The following SLC25A48 variants were observed in gnomAD, a reference collection of about 807,000 sequenced individuals.
SLC25A48 encodes CTC-321K16.1.
SLC25A48 carries 29 observed loss-of-function variants against 32.2 expected under a neutral mutation model. That is an observed-to-expected ratio of 0.90 (90% CI 0.67 to 1.23). The LOEUF (loss-of-function observed/expected upper bound fraction) is 1.23, where lower values mean the gene tolerates loss of function less well. Among genes scored for constraint, SLC25A48 ranks in the 50% most tolerant of loss-of-function variants. SLC25A48 has a pLI of 0.00. For synonymous variants in SLC25A48, 164 were observed against 172.3 expected, an observed-to-expected ratio of 0.95 and a Z score of 0.38; for missense variants, 399 against 422.7, an observed-to-expected ratio of 0.94 and a Z score of 0.49.
intron 3 of SLC25A48, among the ~76,000 whole-genome samples, chr5:135,699,404 G>GA (rs11385297): frequency 0.62 from 91,585 of 148,232 alleles, 27,992 homozygotes; most frequent in South Asian, 0.63. Flanking sequence ...ATTACGCTGG[G>GA]AAAAAAAAAA....
chr5:135,886,265 CT>C (rs1400719884), intron 7 of SLC25A48, among the ~76,000 whole-genome samples: 3 of 151,988 alleles, frequency 2.0e-5, no homozygotes, highest in Admixed American at 2.0e-4. Flanking sequence ...GCTGCCCAGC[CT>C]CAGCCCAGCT....
At chr5:135,830,521 C>T (rs61004174), upstream of SLC25A48, among the ~76,000 whole-genome samples, 28,850 of 152,178 alleles carry the variant, frequency 0.19, 2,912 homozygotes, top group Middle Eastern at 0.25. Context: ...CTTACCTCTG[C>T]TTCTTGACTG....
chr5:135,821,335 G>A (rs1010744343), intron 4 of SLC25A48, among the ~76,000 whole-genome samples: 4 of 152,220 alleles, frequency 2.6e-5, no homozygotes, highest in African/African-American at 9.6e-5. Flanking sequence ...AGTGACTGGA[G>A]AGGAGCCACA....
intron 3 of SLC25A48, among the ~76,000 whole-genome samples, chr5:135,653,005 G>T (rs1352864831): frequency 6.6e-6 from 1 of 152,076 alleles, no homozygotes; most frequent in Non-Finnish European, 1.5e-5. Context: ...GGGCTTTTGT[G>T]GTGGGTTCAC....
At chr5:135,644,188 GA>G (rs148332317) in intron 3 of SLC25A48, among the ~76,000 whole-genome samples, 3,086 of 148,786 alleles carry the variant, frequency 0.021, 110 homozygotes, top group African/African-American at 0.067. Context: ...CGGATGGGGA[GA>G]AAAAAAAAAC....
chr5:135,738,330 C>G (rs1024620261), intron 3 of SLC25A48, among the ~76,000 whole-genome samples: 1 of 152,162 alleles, frequency 6.6e-6, no homozygotes, highest in African/African-American at 2.4e-5. Flanking sequence ...ATTACTACCT[C>G]AAAATCTGTC....
chr5:135,876,923 G>A (rs1230089236), intron 6 of SLC25A48, among the ~76,000 whole-genome samples: 1 of 152,160 alleles, frequency 6.6e-6, no homozygotes, highest in Non-Finnish European at 1.5e-5. Flanking sequence ...CCCTCCCCAA[G>A]CATTCTTGAC....
intron 1 of SLC25A48, among the ~76,000 whole-genome samples, chr5:135,588,026 G>A (rs367792332): frequency 2.0e-5 from 3 of 152,320 alleles, no homozygotes; most frequent in South Asian, 2.1e-4. Flanking sequence ...GTGTGTTGGC[G>A]GAGGCCCGAA....
intron 1 of SLC25A48, among the ~76,000 whole-genome samples, chr5:135,601,891 T>G (rs1751804986): frequency 6.6e-6 from 1 of 152,228 alleles, no homozygotes; most frequent in African/African-American, 2.4e-5. Context: ...TCACTTAATG[T>G]TTCTGGGCAT....
chr5:135,657,958 C>T (rs1753295560), intron 3 of SLC25A48, among the ~76,000 whole-genome samples: 1 of 152,208 alleles, frequency 6.6e-6, no homozygotes. Context: ...CCTCCCCCAA[C>T]ATTGGGAATT....
intron 3 of SLC25A48, among the ~76,000 whole-genome samples, chr5:135,700,634 C>G (rs1754373405): frequency 6.6e-6 from 1 of 152,124 alleles, no homozygotes; most frequent in South Asian, 2.1e-4. Context: ...AAGGCCCAGG[C>G]TTAGGTTTTA....
intron 3 of SLC25A48, among the ~76,000 whole-genome samples, chr5:135,783,550 G>A (rs1244331890): frequency 2.5e-5 from 3 of 118,162 alleles, no homozygotes; most frequent in Non-Finnish European, 4.2e-5. Flanking sequence ...TATGGCAGGG[G>A]GTGTACACCC....
intron 3 of SLC25A48, among the ~76,000 whole-genome samples, chr5:135,678,878 A>G (rs1753829223): frequency 1.3e-5 from 2 of 152,128 alleles, no homozygotes; most frequent in African/African-American, 4.8e-5. Context: ...TTTTCTGGGG[A>G]CAAGGACATA....
intron 3 of SLC25A48, among the ~76,000 whole-genome samples, chr5:135,701,943 C>T (rs547342640): frequency 1.3e-5 from 2 of 152,344 alleles, no homozygotes; most frequent in African/African-American, 4.8e-5. Context: ...AGGCACTGGG[C>T]TCCATGCTTT....
chr5:135,796,018 T>C (rs997788604), intron 3 of SLC25A48, among the ~76,000 whole-genome samples: 1 of 65,994 alleles, frequency 1.5e-5, no homozygotes, highest in African/African-American at 4.5e-5. Flanking sequence ...GAGGGGGGGG[T>C]GGGTGTAACT....
chr5:135,820,180 T>G (rs1757846441), intron 4 of SLC25A48, among the ~76,000 whole-genome samples: 1 of 152,174 alleles, frequency 6.6e-6, no homozygotes, highest in Non-Finnish European at 1.5e-5. Context: ...CACAGAAGGC[T>G]AGATAAGCAA....
In SLC25A48 at chr5:135,852,694, T is replaced by C; in HGVS notation, c.294T>C (p.Ser98=). 2 of 1,614,098 alleles carry C rather than the reference T, an allele frequency of 1.2e-6. No homozygotes were observed. The highest frequency in any genetic ancestry group is 1.7e-6 in the Non-Finnish European group (2 of 1,179,994). Residue 98 remains serine (S), a synonymous_variant, in exon 4 of 8, where the codon AGT becomes AGC. Transcript: ENST00000681962. ...SQHRCGEPEA[S]PPRTLSDLLL... Reference sequence around the variant, plus strand: ...ACCGCTGCGGGGAGCCAGAGGCCAGTCCTCCCCGCACGCTGTCAGACCTGC... The same window carrying C: ...ACCGCTGCGGGGAGCCAGAGGCCAGCCCTCCCCGCACGCTGTCAGACCTGC...
At chr5:135,794,949 G>A (rs890547612) in intron 3 of SLC25A48, among the ~76,000 whole-genome samples, 12 of 75,846 alleles carry the variant, frequency 1.6e-4, no homozygotes, top group African/African-American at 2.4e-4. Flanking sequence ...CACATGGGGC[G>A]TACACCATAC....
At chr5:135,756,542 G>A (rs1455009224) in intron 3 of SLC25A48, among the ~76,000 whole-genome samples, 2 of 151,980 alleles carry the variant, frequency 1.3e-5, no homozygotes, top group Admixed American at 6.6e-5. Context: ...GTGGTGGTGC[G>A]TGCCTGTAAT....
Sources: allele counts gnomAD v4.1 joint callset (sites outside exome capture counted in the v4.1 genomes callset), GRCh38; gene constraint gnomAD v4.1.1; transcripts MANE v1.5; gene names NCBI Gene and HGNC (gene_info 2026-07-23, HGNC 2026-07-21).